The following ASTN2 variants were observed in gnomAD, a reference collection of about 807,000 sequenced individuals.
The protein encoded by ASTN2 is astrotactin 2.
Under a neutral mutation model 139.8 loss-of-function variants are expected in ASTN2, and 54 were observed. The ratio of observed to expected loss-of-function variants is 0.39; its 90% CI spans 0.31 to 0.48. The LOEUF (loss-of-function observed/expected upper bound fraction) is 0.48, where lower values mean the gene tolerates loss of function less well. Among genes scored for constraint, ASTN2 ranks in the 20% least tolerant of loss-of-function variants. The pLI, the probability that ASTN2 is intolerant of heterozygous loss-of-function variation, is 0.95. For missense variants in ASTN2, 1,565 were observed against 1,725.1 expected, an observed-to-expected ratio of 0.91 and a Z score of 1.64; for synonymous variants, 756 against 719.5, an observed-to-expected ratio of 1.05 and a Z score of -0.81.
At chr9:117,190,717 T>C (rs935262446) in intron 3 of ASTN2, among the ~76,000 whole-genome samples, 1 of 152,194 alleles carries the variant, frequency 6.6e-6, no homozygotes, top group Non-Finnish European at 1.5e-5. Context: ...TTCAAATGGC[T>C]TGCCTCTTCA....
intron 4 of ASTN2, among the ~76,000 whole-genome samples, chr9:117,137,271 G>A (rs766011031): frequency 3.3e-5 from 5 of 152,162 alleles, no homozygotes; most frequent in Non-Finnish European, 7.4e-5. Context: ...TTTTAACCAT[G>A]TGCTCAATTC....
At chr9:117,128,297 C>A (rs1212270620) in intron 4 of ASTN2, among the ~76,000 whole-genome samples, 1 of 137,844 alleles carries the variant, frequency 7.3e-6, no homozygotes, top group East Asian at 2.3e-4. Flanking sequence ...TTGCTTGAAC[C>A]CGGGAGGTGG....
At chr9:116,968,906 A>T (rs1836099299) in intron 10 of ASTN2, among the ~76,000 whole-genome samples, 1 of 151,814 alleles carries the variant, frequency 6.6e-6, no homozygotes, top group African/African-American at 2.4e-5. Context: ...CTCAAAAAAA[A>T]AAAAAAAAAA....
chr9:116,528,583 A>G (rs990518422), intron 19 of ASTN2, among the ~76,000 whole-genome samples: 2 of 152,232 alleles, frequency 1.3e-5, no homozygotes, highest in Non-Finnish European at 2.9e-5. Context: ...AAAAAATTGC[A>G]TAAGTAAAGA....
At chr9:116,958,261 A>C (rs562171298) in intron 10 of ASTN2, among the ~76,000 whole-genome samples, 1 of 152,266 alleles carries the variant, frequency 6.6e-6, no homozygotes, top group African/African-American at 2.4e-5. Flanking sequence ...GGTTGTACGA[A>C]TGTCACCATG....
intron 19 of ASTN2, among the ~76,000 whole-genome samples, chr9:116,535,135 T>C (rs1851556761): frequency 6.6e-6 from 1 of 152,216 alleles, no homozygotes; most frequent in Non-Finnish European, 1.5e-5. Context: ...TTGTCTCTTT[T>C]GATCTTTATT....
At chr9:117,278,392 C>T (rs1834244805) in intron 2 of ASTN2, among the ~76,000 whole-genome samples, 1 of 152,182 alleles carries the variant, frequency 6.6e-6, no homozygotes, top group Non-Finnish European at 1.5e-5. Flanking sequence ...AGCAGGCACA[C>T]ACAAACAACA....
chr9:117,311,504 G>T (rs1587936359), intron 1 of ASTN2, among the ~76,000 whole-genome samples: 1 of 152,100 alleles, frequency 6.6e-6, no homozygotes, highest in Admixed American at 6.5e-5. Flanking sequence ...AGCCCATCCA[G>T]AATCTCAGAG....
Position 116,721,006 on chromosome 9 carries a change from C to T in ASTN2, c.2806+4765G>A, listed in dbSNP as rs115167407. On this transcript the variant is annotated intron_variant, in intron 16 of 22. Transcript: ENST00000313400. ...CTGCCCACACACATGTGTGCCTTCACGCACATACATACACACAAACATACA... is the reference window on the plus strand; with the variant it reads ...CTGCCCACACACATGTGTGCCTTCATGCACATACATACACACAAACATACA... Among the ~76,000 whole-genome samples, 984 of 152,268 alleles carry T rather than the reference C, an allele frequency of 6.5e-3. 7 individuals are homozygous for T. The highest frequency in any genetic ancestry group is 0.023 in the African/African-American group (939 of 41,544).
At chr9:117,274,524 G>A (rs1353953327) in intron 2 of ASTN2, among the ~76,000 whole-genome samples, 1 of 152,198 alleles carries the variant, frequency 6.6e-6, no homozygotes, top group Non-Finnish European at 1.5e-5. Flanking sequence ...ACTCTCCTGT[G>A]CATTGTGCCT....
intron 19 of ASTN2, among the ~76,000 whole-genome samples, chr9:116,531,831 T>C (rs1410800717): frequency 6.6e-6 from 1 of 152,222 alleles, no homozygotes; most frequent in Non-Finnish European, 1.5e-5. Context: ...AACATACGTG[T>C]GCATGTGTCT....
intron 10 of ASTN2, among the ~76,000 whole-genome samples, chr9:116,886,415 C>A (rs1833597913): frequency 6.6e-6 from 1 of 152,132 alleles, no homozygotes; most frequent in African/African-American, 2.4e-5. Flanking sequence ...TGCTCCGTTG[C>A]CCAGGTTTCA....
At chr9:116,851,798 G>T (rs1013175274) in intron 11 of ASTN2, among the ~76,000 whole-genome samples, 3 of 152,218 alleles carry the variant, frequency 2.0e-5, no homozygotes, top group South Asian at 2.1e-4. Context: ...TCTCCCTAAG[G>T]TTCAATGTGC....
intron 10 of ASTN2, among the ~76,000 whole-genome samples, chr9:116,939,304 C>T (rs1201397377): frequency 6.6e-6 from 1 of 152,042 alleles, no homozygotes; most frequent in Non-Finnish European, 1.5e-5. Context: ...ACAGAAAATA[C>T]TCAATAAAAT....
chr9:117,017,880 T>G (rs1229243694), intron 6 of ASTN2, among the ~76,000 whole-genome samples: 2 of 151,990 alleles, frequency 1.3e-5, no homozygotes, highest in Non-Finnish European at 2.9e-5. Context: ...GTCAATAATG[T>G]GTCCTATATA....
At chr9:117,296,954 G>C (rs1834751837) in intron 1 of ASTN2, among the ~76,000 whole-genome samples, 2 of 152,248 alleles carry the variant, frequency 1.3e-5, no homozygotes, top group Admixed American at 6.5e-5. Flanking sequence ...CTGCCTCGGT[G>C]GCCACTGATG....
At chr9:117,189,652 G>T (rs889740694) in intron 3 of ASTN2, among the ~76,000 whole-genome samples, 3 of 152,120 alleles carry the variant, frequency 2.0e-5, no homozygotes, top group African/African-American at 7.2e-5. Flanking sequence ...CATTTTAGAG[G>T]TGAGGAGGTT....
At chr9:117,318,282 C>A (rs901261826) in intron 1 of ASTN2, among the ~76,000 whole-genome samples, 14 of 152,256 alleles carry the variant, frequency 9.2e-5, no homozygotes, top group Admixed American at 8.5e-4. Context: ...CCATCCTTAT[C>A]ACTAAGTTTT....
chr9:116,984,637 G>C (rs1483785239), intron 7 of ASTN2, among the ~76,000 whole-genome samples: 1 of 152,200 alleles, frequency 6.6e-6, no homozygotes, highest in African/African-American at 2.4e-5. Context: ...ACTAAAGTAA[G>C]AGGGAGAGGA....
Sources: gnomAD v4.1 joint callset for allele counts (sites outside exome capture counted in the v4.1 genomes callset) on GRCh38, gnomAD v4.1.1 for gene constraint, MANE v1.5 for transcripts, NCBI Gene and HGNC (gene_info 2026-07-23, HGNC 2026-07-21) for gene names.